The following CADPS variants were observed in gnomAD, a reference collection of about 807,000 sequenced individuals.
CADPS encodes calcium dependent secretion activator.
CADPS carries 57 observed loss-of-function variants against 167.3 expected under a neutral mutation model. That is an observed-to-expected ratio of 0.34 (90% CI 0.28 to 0.42). The LOEUF is 0.42. CADPS is among the 20% of genes least tolerant of loss of function. The pLI is 1.00. For synonymous variants in CADPS, 676 were observed against 635.3 expected, an observed-to-expected ratio of 1.06 and a Z score of -0.96; for missense variants, 1,414 against 1,738.1, an observed-to-expected ratio of 0.81 and a Z score of 3.32.
chr3:62,755,277 T>A (rs2152431620), intron 2 of CADPS, among the ~76,000 whole-genome samples: 1 of 152,166 alleles, frequency 6.6e-6, no homozygotes, highest in East Asian at 1.9e-4. Context: ...CCTGGTTGAG[T>A]CCTGGGACCA....
At chr3:62,657,432 A>G (rs1469323815) in intron 4 of CADPS, among the ~76,000 whole-genome samples, 2 of 152,184 alleles carry the variant, frequency 1.3e-5, no homozygotes, top group Admixed American at 6.5e-5. Flanking sequence ...GAACTGGCAA[A>G]TATCACAGCA....
At chr3:62,550,158 G>A in intron 10 of CADPS, 43 bp from the exon 11 acceptor site, 1 of 1,515,996 alleles carries the variant, frequency 6.6e-7, no homozygotes. Context: ...GCTGAGCTGT[G>A]ATGTTCTCAA....
intron 1 of CADPS, among the ~76,000 whole-genome samples, chr3:62,853,839 C>T (rs1162493702): frequency 6.6e-6 from 1 of 151,842 alleles, no homozygotes; most frequent in African/African-American, 2.4e-5. Flanking sequence ...GCCTGTATTC[C>T]CAGTTACTTG....
intron 1 of CADPS, among the ~76,000 whole-genome samples, chr3:62,772,725 A>G (rs1421687232): frequency 6.6e-6 from 1 of 152,230 alleles, no homozygotes; most frequent in African/African-American, 2.4e-5. Flanking sequence ...GGAAGAAGGC[A>G]TACTTACTAA....
intron 1 of CADPS, among the ~76,000 whole-genome samples, chr3:62,811,935 T>C (rs1244629222): frequency 6.6e-6 from 1 of 152,202 alleles, no homozygotes; most frequent in Non-Finnish European, 1.5e-5. Context: ...TCTACCTCAG[T>C]GTTTTTTAAT....
intron 4 of CADPS, among the ~76,000 whole-genome samples, chr3:62,653,524 T>G (rs1349722906): frequency 6.6e-6 from 1 of 152,202 alleles, no homozygotes; most frequent in African/African-American, 2.4e-5. Flanking sequence ...ATAATTATAA[T>G]TAATCAATCA....
chr3:62,739,869 G>A (rs1396447709), intron 3 of CADPS, among the ~76,000 whole-genome samples: 1 of 152,222 alleles, frequency 6.6e-6, no homozygotes, highest in African/African-American at 2.4e-5. Context: ...GTAAAGAGAG[G>A]TTGGTAGTTA....
intron 10 of CADPS, among the ~76,000 whole-genome samples, chr3:62,550,601 A>C (rs1029836148): frequency 2.0e-5 from 3 of 152,166 alleles, no homozygotes; most frequent in African/African-American, 7.2e-5. Context: ...CGTCCGGAAC[A>C]GAGCTTGAGG....
chr3:62,771,376 A>G (rs1220515420), intron 1 of CADPS, among the ~76,000 whole-genome samples: 1 of 152,220 alleles, frequency 6.6e-6, no homozygotes, highest in Non-Finnish European at 1.5e-5. Context: ...ACCCTTTGCC[A>G]ACTGCATGAG....
At chr3:62,844,764 C>G (rs1185868014) in intron 1 of CADPS, among the ~76,000 whole-genome samples, 2 of 152,098 alleles carry the variant, frequency 1.3e-5, no homozygotes, top group Admixed American at 1.3e-4. Context: ...AGAAAGCAGT[C>G]ACTACTTTTT....
chr3:62,783,331 G>A (rs1245421675), intron 1 of CADPS, among the ~76,000 whole-genome samples: 3 of 150,994 alleles, frequency 2.0e-5, no homozygotes, highest in Non-Finnish European at 4.4e-5. Flanking sequence ...TCCTTCTACA[G>A]ACCCAAGTTC....
chr3:62,488,819 G>T (rs35462732), intron 21 of CADPS, among the ~76,000 whole-genome samples: 14,878 of 152,110 alleles, frequency 0.098, 1,173 homozygotes, highest in African/African-American at 0.22. Context: ...GATCTCCACA[G>T]ACTCTGAAAG....
intron 1 of CADPS, among the ~76,000 whole-genome samples, chr3:62,847,575 A>T: frequency 2.9e-5 from 1 of 34,924 alleles, no homozygotes; most frequent in African/African-American, 1.2e-4. Context: ...GATGGTTTCC[A>T]ATTTCATCCA....
chr3:62,807,791 CTG>C (rs1228256686), intron 1 of CADPS, among the ~76,000 whole-genome samples: 1 of 151,986 alleles, frequency 6.6e-6, no homozygotes, highest in Non-Finnish European at 1.5e-5. Flanking sequence ...CCTGGGTCAA[CTG>C]TTATATATCT....
At chr3:62,425,622 A>C (rs1416534444) in intron 28 of CADPS, among the ~76,000 whole-genome samples, 1 of 152,232 alleles carries the variant, frequency 6.6e-6, no homozygotes, top group Non-Finnish European at 1.5e-5. Context: ...ATATAAAAAG[A>C]ATTTAGCCCT....
intron 3 of CADPS, among the ~76,000 whole-genome samples, chr3:62,709,386 T>C (rs1049589936): frequency 1.3e-5 from 2 of 152,210 alleles, no homozygotes; most frequent in African/African-American, 4.8e-5. Context: ...CCTGATTTTA[T>C]TAACTGTTGG....
At chr3:62,716,806 G>A (rs1191653630) in intron 3 of CADPS, among the ~76,000 whole-genome samples, 1 of 152,112 alleles carries the variant, frequency 6.6e-6, no homozygotes, top group Non-Finnish European at 1.5e-5. Context: ...AGATACTTTG[G>A]AGACATCACA....
chr3:62,845,222 A>G (rs1161038437), intron 1 of CADPS, among the ~76,000 whole-genome samples: 2 of 152,176 alleles, frequency 1.3e-5, no homozygotes, highest in African/African-American at 4.8e-5. Flanking sequence ...GTCTGAGAGA[A>G]CAAGAACTTG....
At chr3:62,836,680 G>A (rs2075940435) in intron 1 of CADPS, among the ~76,000 whole-genome samples, 1 of 152,126 alleles carries the variant, frequency 6.6e-6, no homozygotes. Context: ...GGTAGATACA[G>A]GTTATTTTTA....
Sources: gnomAD v4.1 joint callset for allele counts (sites outside exome capture counted in the v4.1 genomes callset) on GRCh38, gnomAD v4.1.1 for gene constraint, MANE v1.5 for transcripts, NCBI Gene and HGNC (gene_info 2026-07-23, HGNC 2026-07-21) for gene names.